SLC17A5: variants seen among roughly 807,000 people sequenced by gnomAD.
The protein encoded by SLC17A5 is solute carrier family 17 member 5.
In SLC17A5, 47 loss-of-function variants were observed where a neutral mutation model predicts 59.4. That is an observed-to-expected ratio of 0.79 (90% CI 0.63 to 1.01). The LOEUF is 1.01. Among genes scored for constraint, SLC17A5 ranks in the 50% least tolerant of loss-of-function variants. The probability of loss-of-function intolerance (pLI) is 0.00; values close to 1 mark genes in which losing one functional copy is unlikely to be tolerated. For missense variants in SLC17A5, 522 were observed against 595.5 expected (o/e 0.88, Z 1.28); for synonymous variants, 202 against 210.7 (o/e 0.96, Z 0.36).
chr6:73,613,270 C>T (rs889548249), intron 8 of SLC17A5, among the ~76,000 whole-genome samples: 1 of 152,124 alleles, frequency 6.6e-6, no homozygotes, highest in Non-Finnish European at 1.5e-5. Context: ...AAAGTCTGAG[C>T]TGAAAGCACA....
chr6:73,600,789 C>T (rs1199155589), intron 9 of SLC17A5, among the ~76,000 whole-genome samples: 1 of 152,226 alleles, frequency 6.6e-6, no homozygotes, highest in Non-Finnish European at 1.5e-5. Context: ...GTATGAGCCA[C>T]AGCGCCTGGC....
At chr6:73,618,414 G>A (rs1348686973) in intron 7 of SLC17A5, 2 of 324,156 alleles carry the variant, frequency 6.2e-6, no homozygotes, top group Non-Finnish European at 1.1e-5. Flanking sequence ...AGAAATGCCT[G>A]GTGCAGAGCA....
chr6:73,614,081 C>T lies in SLC17A5; in HGVS notation c.1111+1234G>A, dbSNP rs532279544. Among the ~76,000 whole-genome samples the T allele has an allele frequency of 2.0e-5, 3 of 152,284 alleles. No individual in the cohort carries two copies. The South Asian group carries it at 6.2e-4, about 32-fold the overall frequency. ...AGGAGTTAAAGACCAGCCTGGACAA[C>T]GTGGTGAAACCCCGTCTTCAGTAAA... On this transcript the variant is annotated intron_variant, in intron 8 of 10. Transcript: ENST00000355773.
chr6:73,636,591 A>C (rs763195438), intron 5 of SLC17A5, 30 bp downstream of exon 5: 1 of 1,211,260 alleles, frequency 8.3e-7, no homozygotes, highest in South Asian at 1.2e-5. Flanking sequence ...AATTTGTTAC[A>C]TTATAATTTA....
chr6:73,601,677 A>C (rs62438428), intron 9 of SLC17A5, among the ~76,000 whole-genome samples: 2 of 74,614 alleles, frequency 2.7e-5, no homozygotes, highest in Non-Finnish European at 5.2e-5. Context: ...TGCCCCGTCC[A>C]GGAGGGAGGT....
intron 8 of SLC17A5, among the ~76,000 whole-genome samples, chr6:73,613,034 C>T (rs1302596522): frequency 7.8e-6 from 1 of 128,568 alleles, no homozygotes; most frequent in Non-Finnish European, 1.7e-5. Context: ...GGAGCAAGAC[C>T]CTGTCTCAAA....
chr6:73,645,650 T>C (rs1769507852), intron 1 of SLC17A5: 2 of 231,118 alleles, frequency 8.7e-6, no homozygotes, highest in Admixed American at 6.5e-5. Flanking sequence ...TAGCCGGGCG[T>C]GGTCGCGGGC....
chr6:73,598,930 G>C (rs1766938655), intron 10 of SLC17A5, among the ~76,000 whole-genome samples: 1 of 152,028 alleles, frequency 6.6e-6, no homozygotes, highest in Non-Finnish European at 1.5e-5. Context: ...GTTGTGGTGA[G>C]CTGAGATTGC....
intron 1 of SLC17A5, chr6:73,653,407 T>C: frequency 1.0e-6 from 1 of 985,426 alleles, no homozygotes; most frequent in Non-Finnish European, 1.2e-6. Flanking sequence ...CCCATTCATT[T>C]GATGATTCTC....
At chr6:73,618,005 G>C (rs1767950210) in intron 7 of SLC17A5, among the ~76,000 whole-genome samples, 2 of 151,718 alleles carry the variant, frequency 1.3e-5, no homozygotes, top group African/African-American at 4.8e-5. Flanking sequence ...CAAGGCAAAG[G>C]GATCACTTGA....
chr6:73,619,922 GTTTTTTTTTT>G (rs1174723514), intron 7 of SLC17A5, among the ~76,000 whole-genome samples: 2 of 119,128 alleles, frequency 1.7e-5, no homozygotes, highest in Admixed American at 1.9e-4. Flanking sequence ...TTGAGAATTT[GTTTTTTTTTT>G]TTTTTTTTTG....
intron 8 of SLC17A5, among the ~76,000 whole-genome samples, chr6:73,614,380 C>T (rs1030441778): frequency 2.0e-5 from 3 of 152,158 alleles, no homozygotes; most frequent in African/African-American, 7.2e-5. Flanking sequence ...CAAGACCAGA[C>T]GGGGCAACAT....
intron 6 of SLC17A5, among the ~76,000 whole-genome samples, chr6:73,626,053 A>G (rs1411573520): frequency 6.6e-6 from 1 of 152,230 alleles, no homozygotes; most frequent in Non-Finnish European, 1.5e-5. Flanking sequence ...TCATTCTTTT[A>G]TGCTGAAAGG....
intron 9 of SLC17A5, 63 bp from the exon 10 acceptor site, chr6:73,600,504 C>A: frequency 2.6e-6 from 3 of 1,167,492 alleles, no homozygotes; most frequent in African/African-American, 1.8e-5. Flanking sequence ...TTCATTCTTT[C>A]CTTCTTTTTT....
Position 73,594,756 on chromosome 6 carries a change from G to A in SLC17A5, c.*321C>T, listed in dbSNP as rs1163745422. On this transcript the variant is annotated 3_prime_UTR_variant, in exon 11 of 11. Coordinates refer to ENST00000355773, the MANE Select transcript of SLC17A5 (RefSeq NM_012434.5). Reference sequence around the variant, plus strand: ...TTATCATCTAGTTTAATTAAGCAAAGGTATCAGGAGGTCTGTTTCAGCTCA... The same window carrying A: ...TTATCATCTAGTTTAATTAAGCAAAAGTATCAGGAGGTCTGTTTCAGCTCA... The A allele has an allele frequency of 8.5e-6, 3 of 351,622 alleles. No individual in the cohort carries two copies. Among genetic ancestry groups the A allele is most frequent in the African/African-American group, 6.3e-5 (3 of 47,492 alleles). The allele number at this position is 351,622 out of a possible 1,614,324, so 21.8% of individuals were successfully genotyped here.
chr6:73,621,753 T>C, intron 7 of SLC17A5, 51 bp downstream of exon 7: 1 of 1,398,502 alleles, frequency 7.2e-7, no homozygotes, highest in South Asian at 1.2e-5. Flanking sequence ...ACAAATTCTG[T>C]GTATGGTCTT....
chr6:73,620,727 T>C (rs1441731085), intron 7 of SLC17A5, among the ~76,000 whole-genome samples: 1 of 152,068 alleles, frequency 6.6e-6, no homozygotes, highest in African/African-American at 2.4e-5. Context: ...TTAGCATTTT[T>C]TTTTTTTTTC....
chr6:73,625,011 G>T (rs1768339882), intron 6 of SLC17A5, among the ~76,000 whole-genome samples: 1 of 152,044 alleles, frequency 6.6e-6, no homozygotes, highest in Non-Finnish European at 1.5e-5. Flanking sequence ...TAAGACTGTT[G>T]TTTTTCTCAA....
intron 9 of SLC17A5, among the ~76,000 whole-genome samples, 175 bp from the exon 10 acceptor site, chr6:73,600,616 C>T (rs1360074644): frequency 6.6e-6 from 1 of 151,124 alleles, no homozygotes; most frequent in Non-Finnish European, 1.5e-5. Context: ...TCAAGCATGC[C>T]TTAGCCTCCT....
Sources: gnomAD v4.1 joint callset for allele counts (sites outside exome capture counted in the v4.1 genomes callset) on GRCh38, gnomAD v4.1.1 for gene constraint, MANE v1.5 for transcripts, NCBI Gene and HGNC (gene_info 2026-07-23, HGNC 2026-07-21) for gene names.